Variants in CNTN5 observed in about 807,000 individuals in gnomAD.
CNTN5 encodes the protein contactin 5, also known as contactin-5.
In CNTN5, 77 loss-of-function variants were observed where a neutral mutation model predicts 129.1. The observed-to-expected ratio is 0.60, with a 90% CI of 0.50 to 0.72. The LOEUF is 0.72. Among genes scored for constraint, CNTN5 ranks in the 30% least tolerant of loss-of-function variants. CNTN5 has a pLI of 0.00. For missense variants in CNTN5, 1,478 were observed against 1,328.8 expected, an observed-to-expected ratio of 1.11 and a Z score of -1.75; for synonymous variants, 509 against 465.6, an observed-to-expected ratio of 1.09 and a Z score of -1.20.
chr11:99,702,305 T>C (rs1193414125), intron 3 of CNTN5, among the ~76,000 whole-genome samples: 1 of 150,992 alleles, frequency 6.6e-6, no homozygotes, highest in African/African-American at 2.4e-5. Flanking sequence ...TTTGGACATA[T>C]GAAGTATTCT....
intron 3 of CNTN5, among the ~76,000 whole-genome samples, chr11:99,772,133 A>G (rs1024207437): frequency 6.6e-6 from 1 of 151,876 alleles, no homozygotes; most frequent in African/African-American, 2.4e-5. Flanking sequence ...ACATTGTGAG[A>G]AAAATTTTTC....
intron 8 of CNTN5, among the ~76,000 whole-genome samples, chr11:99,989,574 G>A (rs12277927): frequency 0.064 from 9,709 of 150,930 alleles, 528 homozygotes; most frequent in African/African-American, 0.14. Flanking sequence ...CCACCCAAAA[G>A]CATTTTAAAT....
At chr11:99,443,898 T>G (rs1473602037) in intron 2 of CNTN5, among the ~76,000 whole-genome samples, 1 of 152,164 alleles carries the variant, frequency 6.6e-6, no homozygotes, top group Non-Finnish European at 1.5e-5. Context: ...AGACTTTCAG[T>G]AACTTTATTG....
intron 1 of CNTN5, among the ~76,000 whole-genome samples, chr11:99,100,314 G>C (rs1207042543): frequency 2.0e-5 from 3 of 152,064 alleles, no homozygotes; most frequent in Non-Finnish European, 4.4e-5. Flanking sequence ...ATTCCAGAGA[G>C]GTAGGGGGAA....
chr11:99,032,581 G>A (rs2135097238), intron 1 of CNTN5, among the ~76,000 whole-genome samples: 1 of 152,220 alleles, frequency 6.6e-6, no homozygotes, highest in African/African-American at 2.4e-5. Context: ...AGAAGTGCCT[G>A]TTCATGTCCT....
intron 13 of CNTN5, among the ~76,000 whole-genome samples, chr11:100,147,547 G>A (rs1946893501): frequency 6.6e-6 from 1 of 152,076 alleles, no homozygotes; most frequent in Non-Finnish European, 1.5e-5. Context: ...CTGCTCGGAA[G>A]CCGCGATTTA....
intron 1 of CNTN5, among the ~76,000 whole-genome samples, chr11:99,234,954 TTTA>T (rs1329813493): frequency 1.3e-5 from 2 of 151,944 alleles, no homozygotes; most frequent in Non-Finnish European, 2.9e-5. Context: ...TCTAGAGGTA[TTTA>T]CAAAGTCAAT....
chr11:99,645,092 C>A (rs1168991504), intron 3 of CNTN5, among the ~76,000 whole-genome samples: 2 of 120,476 alleles, frequency 1.7e-5, no homozygotes, highest in African/African-American at 2.8e-5. Flanking sequence ...GGTGAAACTC[C>A]GTCTCTACTT....
At chr11:99,703,756 C>T (rs1378141054) in intron 3 of CNTN5, among the ~76,000 whole-genome samples, 1 of 150,812 alleles carries the variant, frequency 6.6e-6, no homozygotes, top group African/African-American at 2.4e-5. Flanking sequence ...AAGTTATTGG[C>T]CATTGGTTAA....
At chr11:99,796,448 T>C (rs1199464056) in intron 3 of CNTN5, among the ~76,000 whole-genome samples, 1 of 151,292 alleles carries the variant, frequency 6.6e-6, no homozygotes, top group Admixed American at 6.6e-5. Flanking sequence ...CAGGGAAGGA[T>C]ATGGTGGGGG....
At chr11:99,146,746 G>T (rs1859803214) in intron 1 of CNTN5, among the ~76,000 whole-genome samples, 1 of 151,656 alleles carries the variant, frequency 6.6e-6, no homozygotes, top group Non-Finnish European at 1.5e-5. Context: ...TTTTAAGCTG[G>T]GGTCTCATTC....
At chr11:99,978,375 C>T (rs1938125076) in intron 8 of CNTN5, among the ~76,000 whole-genome samples, 1 of 152,026 alleles carries the variant, frequency 6.6e-6, no homozygotes. Flanking sequence ...CTTAAGTGTG[C>T]CGTGTTTATA....
intron 3 of CNTN5, among the ~76,000 whole-genome samples, chr11:99,588,250 A>C (rs781259396): frequency 6.7e-6 from 1 of 149,336 alleles, no homozygotes; most frequent in Non-Finnish European, 1.5e-5. Context: ...AGGCTGAGGC[A>C]GGAGAATGGC....
intron 18 of CNTN5, among the ~76,000 whole-genome samples, chr11:100,276,627 A>G (rs1044511851): frequency 6.6e-6 from 1 of 152,044 alleles, no homozygotes; most frequent in African/African-American, 2.4e-5. Context: ...TTAGGATGTC[A>G]AAATCATAAT....
intron 16 of CNTN5, 33 bp downstream of exon 16, chr11:100,224,845 G>T (rs370287172): frequency 1.2e-5 from 20 of 1,608,274 alleles, no homozygotes; most frequent in Non-Finnish European, 1.7e-5. Flanking sequence ...CTGAAGACAT[G>T]ATCACCATAA....
At chr11:99,259,389 A>AT (rs922359710) in intron 1 of CNTN5, among the ~76,000 whole-genome samples, 1 of 151,610 alleles carries the variant, frequency 6.6e-6, no homozygotes, top group East Asian at 1.9e-4. Flanking sequence ...TAATGTCACC[A>AT]TTTTTTTGCT....
At chr11:99,293,792 T>G (rs1300499640) in intron 1 of CNTN5, among the ~76,000 whole-genome samples, 1 of 152,070 alleles carries the variant, frequency 6.6e-6, no homozygotes, top group Admixed American at 6.5e-5. Context: ...ATTTTATTTA[T>G]TTGGGTCTTC....
At chr11:100,191,095 GA>G (rs3031278) in intron 13 of CNTN5, 30 bp from the exon 14 acceptor site, 17 of 1,474,192 alleles carry the variant, frequency 1.2e-5, no homozygotes, top group East Asian at 7.3e-5. Flanking sequence ...CAGTAAAACA[GA>G]AAAAAAAACT....
intron 13 of CNTN5, among the ~76,000 whole-genome samples, chr11:100,112,218 G>A (rs969589843): frequency 3.3e-5 from 5 of 152,062 alleles, no homozygotes; most frequent in African/African-American, 1.2e-4. Context: ...CATGGACTGA[G>A]GCCATTCCAA....
Sources: gnomAD v4.1 joint callset for allele counts (sites outside exome capture counted in the v4.1 genomes callset) on GRCh38, gnomAD v4.1.1 for gene constraint, MANE v1.5 for transcripts, NCBI Gene and HGNC (gene_info 2026-07-23, HGNC 2026-07-21) for gene names.